PSME4: variants seen among roughly 807,000 people sequenced by gnomAD.
PSME4 encodes proteasome activator complex subunit 4.
In PSME4, 89 loss-of-function variants were observed where a neutral mutation model predicts 253.9. That is an observed-to-expected ratio of 0.35 (90% CI 0.30 to 0.42). The LOEUF (loss-of-function observed/expected upper bound fraction) is 0.42, where lower values mean the gene tolerates loss of function less well. Among genes scored for constraint, PSME4 ranks in the 10% least tolerant of loss-of-function variants. The pLI, the probability that PSME4 is intolerant of heterozygous loss-of-function variation, is 1.00. For missense variants in PSME4, 2,014 were observed against 2,195.2 expected, an observed-to-expected ratio of 0.92 and a Z score of 1.65; for synonymous variants, 851 against 759.2, an observed-to-expected ratio of 1.12 and a Z score of -1.99.
Position 53,906,611 on chromosome 2 carries a change from C to A in PSME4, c.2930G>T (p.Ser977Ile). Reference protein sequence around the residue: ...MIRDLLRLSTSSYSQVRNKAQ... With the variant: ...MIRDLLRLSTISYSQVRNKAQ... ...GATAAGCCTTACCTGACTGTATGAA[C>A]TTGTAGATAAACGAAGAAGATCTCT... Residue 977 changes from serine to isoleucine, a missense_variant, in exon 26 of 47, where the codon AGT becomes ATT. Coordinates refer to ENST00000404125, the MANE Select transcript of PSME4 (RefSeq NM_014614.3). 1 of 1,590,948 alleles carries A rather than the reference C, an allele frequency of 6.3e-7. No homozygotes were observed. The highest frequency in any genetic ancestry group is 8.5e-7 in the Non-Finnish European group (1 of 1,170,114).
chr2:53,893,594 T>C, intron 35 of PSME4, 80 bp downstream of exon 35: 1 of 1,566,102 alleles, frequency 6.4e-7, no homozygotes, highest in Non-Finnish European at 8.6e-7. Context: ...CTAGCTTTGA[T>C]CAAATATTTA....
chr2:53,958,363 A>C (rs961200924), intron 1 of PSME4, among the ~76,000 whole-genome samples: 2 of 92,852 alleles, frequency 2.2e-5, no homozygotes, highest in African/African-American at 6.3e-5. Flanking sequence ...CTCAAAAAAA[A>C]CAAAAAAACA....
intron 1 of PSME4, among the ~76,000 whole-genome samples, chr2:53,966,675 GCAAGAGGGCAAAAT>G (rs924141104): frequency 2.0e-4 from 30 of 152,270 alleles, no homozygotes; most frequent in African/African-American, 7.2e-4. Context: ...GTCCAGAAAG[GCAAGAGGGCAAAAT>G]CAAGTTTTTT....
At chr2:53,913,091 T>C (rs1308568059) in intron 20 of PSME4, among the ~76,000 whole-genome samples, 1 of 152,188 alleles carries the variant, frequency 6.6e-6, no homozygotes, top group Non-Finnish European at 1.5e-5. Flanking sequence ...CATAGTATCA[T>C]TTAACCTAAG....
At chr2:53,959,380 GA>G (rs1452765265) in intron 1 of PSME4, among the ~76,000 whole-genome samples, 7 of 151,730 alleles carry the variant, frequency 4.6e-5, no homozygotes, top group East Asian at 3.9e-4. Context: ...AAAGAGGGGG[GA>G]AAAAAAGCTG....
chr2:53,944,208 G>T (rs1170579994), intron 3 of PSME4, among the ~76,000 whole-genome samples: 5 of 152,118 alleles, frequency 3.3e-5, no homozygotes, highest in Non-Finnish European at 5.9e-5. Context: ...GCCCAGGCTG[G>T]AGTGCAGTGG....
intron 14 of PSME4, among the ~76,000 whole-genome samples, chr2:53,924,670 A>C (rs1668476061): frequency 6.6e-6 from 1 of 152,202 alleles, no homozygotes; most frequent in South Asian, 2.1e-4. Context: ...CATGTGCACA[A>C]CATGCAGGTT....
intron 13 of PSME4, 107 bp downstream of exon 13, chr2:53,925,852 G>A (rs1424589501): frequency 1.9e-5 from 24 of 1,274,626 alleles, no homozygotes; most frequent in Non-Finnish European, 2.5e-5. Context: ...AGGAGCACCA[G>A]TAGTAGCTAA....
intron 17 of PSME4, 106 bp downstream of exon 17, chr2:53,922,409 ACT>A (rs1491326911): frequency 9.3e-6 from 11 of 1,182,720 alleles, no homozygotes; most frequent in Non-Finnish European, 1.1e-5. Context: ...AATTTCCAAA[ACT>A]CTGACTTTTC....
At chr2:53,969,407 G>C (rs924218196) in intron 1 of PSME4, among the ~76,000 whole-genome samples, 1 of 152,144 alleles carries the variant, frequency 6.6e-6, no homozygotes, top group Admixed American at 6.5e-5. Context: ...ATAATTGGCA[G>C]ATGAGAATCA....
intron 24 of PSME4, 59 bp downstream of exon 24, chr2:53,908,261 A>T: frequency 7.5e-7 from 1 of 1,331,126 alleles, no homozygotes; most frequent in Non-Finnish European, 1.0e-6. Context: ...TACCCAAATT[A>T]CGAGGTTATT....
At chr2:53,952,494 G>C (rs1171269024) in intron 1 of PSME4, among the ~76,000 whole-genome samples, 1 of 152,164 alleles carries the variant, frequency 6.6e-6, no homozygotes, top group Non-Finnish European at 1.5e-5. Context: ...GCTGAGCCGA[G>C]ATGGTGCTAG....
chr2:53,897,741 G>C, intron 31 of PSME4, 129 bp downstream of exon 31: 1 of 1,038,394 alleles, frequency 9.6e-7, no homozygotes, highest in Non-Finnish European at 1.4e-6. Context: ...AATCAACAGG[G>C]GGAGATTTCA....
At chr2:53,929,595 ATT>A (rs1278214890) in intron 10 of PSME4, among the ~76,000 whole-genome samples, 20 of 141,588 alleles carry the variant, frequency 1.4e-4, no homozygotes, top group Non-Finnish European at 1.2e-4. Context: ...CTAGCTGCTT[ATT>A]TTTTTTTTTT....
intron 4 of PSME4, among the ~76,000 whole-genome samples, chr2:53,938,052 G>C (rs891994358): frequency 3.3e-5 from 5 of 151,704 alleles, no homozygotes; most frequent in Non-Finnish European, 5.9e-5. Flanking sequence ...TCTTGTCTAA[G>C]GGAATTTTTC....
chr2:53,923,429 T>C lies in PSME4; in HGVS notation c.1810-10A>G, dbSNP rs747722116. 6.3e-6 allele frequency: 10 copies of C among 1,578,094 alleles called. No homozygotes were observed. In the South Asian group the frequency reaches 1.1e-4, roughly 17 times the overall value. On this transcript the variant is annotated splice_polypyrimidine_tract_variant and intron_variant, in intron 14 of 46. Coordinates refer to ENST00000404125, the MANE Select transcript of PSME4 (RefSeq NM_014614.3). ...CCTTCTGAAGGGCCACCTGTTAAGA[T>C]ATGAAAATGTTTAATGAGCATTTTT...
intron 36 of PSME4, 78 bp downstream of exon 36, chr2:53,892,730 T>TA (rs1402376129): frequency 5.3e-6 from 7 of 1,308,788 alleles, no homozygotes; most frequent in Non-Finnish European, 6.4e-6. Flanking sequence ...TATCAGTATC[T>TA]AATGTGTTGG....
rs1031034542 is a variant in PSME4, at chr2:53,876,999, A to G, written c.4816-1244T>C. Among the ~76,000 whole-genome samples the G allele has an allele frequency of 2.6e-5, 4 of 152,006 alleles. No homozygotes were observed. The East Asian group carries it at 7.7e-4, about 29-fold the overall frequency. On this transcript the variant is annotated intron_variant, in intron 41 of 46. Transcript: ENST00000404125. ...TGGCCTCCCAAAGTGCTGAGATTAC[A>G]GGCATGGGCCAGTGTACCCAGTATC... is the stretch of plus-strand genomic sequence containing the variant.
Position 53,927,448 on chromosome 2 carries a change from C to G in PSME4, c.1539G>C (p.Leu513=). Residue 513 remains leucine (L), a synonymous_variant, in exon 12 of 47, where the codon CTG becomes CTC. Coordinates refer to ENST00000404125, the MANE Select transcript of PSME4 (RefSeq NM_014614.3). The part of the protein sequence containing the change: ...TFQFIATFST[L]VPLVDCSSVL... ...CAGATGAACAATCTACTAAAGGCAC[C>G]AGAGTAGAAAATGTTGCTATGAACT... 6.3e-7 allele frequency: 1 copy of G among 1,597,376 alleles called. No individual in the cohort carries two copies. The highest frequency in any genetic ancestry group is 8.6e-7 in the Non-Finnish European group (1 of 1,164,874).
Sources: gnomAD v4.1 joint callset for allele counts (sites outside exome capture counted in the v4.1 genomes callset) on GRCh38, gnomAD v4.1.1 for gene constraint, MANE v1.5 for transcripts, NCBI Gene and HGNC (gene_info 2026-07-23, HGNC 2026-07-21) for gene names.